Variants in DHRSX observed in about 807,000 individuals in gnomAD.
DHRSX encodes polyprenol dehydrogenase.
DHRSX carries 31 observed loss-of-function variants against 34.0 expected under a neutral mutation model. The ratio of observed to expected loss-of-function variants is 0.91; its 90% CI spans 0.69 to 1.23. DHRSX has a LOEUF of 1.23. DHRSX is among the 50% of genes most tolerant of loss of function. DHRSX has a pLI of 0.00. For synonymous variants in DHRSX, 201 were observed against 183.8 expected, an observed-to-expected ratio of 1.09 and a Z score of -0.76; for missense variants, 414 against 428.1, an observed-to-expected ratio of 0.97 and a Z score of 0.29.
intron 5 of DHRSX, among the ~76,000 whole-genome samples, chrX:2,259,896 TCTAA>T (rs2041340229): frequency 6.6e-6 from 1 of 151,948 alleles, no homozygotes; most frequent in South Asian, 2.1e-4. Context: ...TCTCTAGATC[TCTAA>T]CTAATTACAC....
At chrX:2,305,603 T>C (rs911555436) in intron 3 of DHRSX, among the ~76,000 whole-genome samples, 2 of 152,088 alleles carry the variant, frequency 1.3e-5, no homozygotes, top group Non-Finnish European at 2.9e-5. Context: ...ATGCCCGTCA[T>C]TGATAGACTG....
chrX:2,500,113 G>C (rs2045379110), intron 1 of DHRSX, among the ~76,000 whole-genome samples: 1 of 152,216 alleles, frequency 6.6e-6, no homozygotes, highest in Admixed American at 6.5e-5. Flanking sequence ...GGTCATCACT[G>C]ATGAGTTCAG....
chrX:2,375,540 T>A (rs996706920), intron 3 of DHRSX, among the ~76,000 whole-genome samples: 1 of 136,978 alleles, frequency 7.3e-6, no homozygotes, highest in African/African-American at 2.5e-5. Flanking sequence ...TTTGGTTTCC[T>A]TGTGTGTTTG....
chrX:2,488,647 G>C, intron 1 of DHRSX: 1 of 1,604,992 alleles, frequency 6.2e-7, no homozygotes, highest in Non-Finnish European at 8.5e-7. Flanking sequence ...ACAGGAAGCT[G>C]CTGTCCCTAA....
rs183925117 is a variant in DHRSX at position 2,445,830 on chromosome X, C to T, written c.110-20526G>A. Among the ~76,000 whole-genome samples, 729 of 151,960 alleles carry T rather than the reference C, an allele frequency of 4.8e-3. 17 individuals carry two copies. The highest frequency in any genetic ancestry group is 2.9e-3 in the Non-Finnish European group (200 of 67,986). Reference sequence around the variant, plus strand: ...AGGCATGTGGCCAAGGGACTGCCACCGTGTACACACTGAGGACGTTCCCTA... The same window carrying T: ...AGGCATGTGGCCAAGGGACTGCCACTGTGTACACACTGAGGACGTTCCCTA... On this transcript the variant is annotated intron_variant, in intron 1 of 6. Coordinates refer to ENST00000334651, the MANE Select transcript of DHRSX (RefSeq NM_145177.3).
chrX:2,427,653 T>C (rs1215493562), intron 1 of DHRSX, among the ~76,000 whole-genome samples: 1 of 152,098 alleles, frequency 6.6e-6, no homozygotes, highest in Non-Finnish European at 1.5e-5. Flanking sequence ...TGACTCCTTG[T>C]ACTGGGGGCT....
Position 2,263,575 on chromosome X carries a change from G to A in DHRSX, c.596+3165C>T, listed in dbSNP as rs765108931. On this transcript the variant is annotated intron_variant, in intron 5 of 6. Coordinates refer to ENST00000334651, the MANE Select transcript of DHRSX (RefSeq NM_145177.3). The stretch of plus-strand genomic sequence containing the variant: ...GTTACTCCGGCTGGAGTGCAGTGGC[G>A]TGATCTTGGCTCACCACAACCTCCG... Among the ~76,000 whole-genome samples the A allele has an allele frequency of 1.7e-3, 253 of 149,216 alleles. 1 individual carries two copies. Among genetic ancestry groups the A allele is most frequent in the Non-Finnish European group, 1.9e-3 (129 of 67,608 alleles).
intron 1 of DHRSX, among the ~76,000 whole-genome samples, chrX:2,496,611 C>T (rs2045291376): frequency 6.6e-6 from 1 of 152,094 alleles, no homozygotes; most frequent in Non-Finnish European, 1.5e-5. Context: ...CAAACACCAC[C>T]TGTTCCCCAA....
intron 3 of DHRSX, among the ~76,000 whole-genome samples, chrX:2,307,253 C>A (rs1441537084): frequency 1.3e-5 from 2 of 152,042 alleles, no homozygotes; most frequent in African/African-American, 4.8e-5. Flanking sequence ...TACATAGGAG[C>A]TAAACATTGA....
chrX:2,426,013 G>A (rs927932729), intron 1 of DHRSX, among the ~76,000 whole-genome samples: 10 of 152,096 alleles, frequency 6.6e-5, no homozygotes, highest in South Asian at 2.1e-4. Flanking sequence ...GGAGAGTGAC[G>A]TGGAATATGC....
chrX:2,270,735 G>A (rs184077813), intron 4 of DHRSX, among the ~76,000 whole-genome samples: 5 of 152,254 alleles, frequency 3.3e-5, no homozygotes, highest in African/African-American at 1.2e-4. Flanking sequence ...CTTTTGAGAC[G>A]TGAAGCCACC....
chrX:2,239,756 A>G (rs3936239), intron 6 of DHRSX, among the ~76,000 whole-genome samples: 28,919 of 151,674 alleles, frequency 0.19, 3,081 homozygotes, highest in Admixed American at 0.22. Flanking sequence ...GCAACAGAGC[A>G]AGACTCAGTC....
intron 3 of DHRSX, among the ~76,000 whole-genome samples, chrX:2,385,755 A>G (rs1416864430): frequency 2.6e-5 from 4 of 152,116 alleles, no homozygotes; most frequent in Non-Finnish European, 5.9e-5. Context: ...TATTCAGTGG[A>G]TAAGATTAAA....
At chrX:2,273,852 C>T (rs1170944711) in intron 4 of DHRSX, among the ~76,000 whole-genome samples, 1 of 152,206 alleles carries the variant, frequency 6.6e-6, no homozygotes, top group African/African-American at 2.4e-5. Flanking sequence ...GACAGTGCTT[C>T]TGTGCAGGCA....
chrX:2,497,708 T>C (rs1338129661), intron 1 of DHRSX, among the ~76,000 whole-genome samples: 1 of 152,244 alleles, frequency 6.6e-6, no homozygotes, highest in Non-Finnish European at 1.5e-5. Flanking sequence ...GGAACTGGAC[T>C]TGACTACAGG....
intron 1 of DHRSX, among the ~76,000 whole-genome samples, chrX:2,431,220 A>C (rs1197799562): frequency 6.7e-6 from 1 of 149,248 alleles, no homozygotes; most frequent in Non-Finnish European, 1.5e-5. Flanking sequence ...AGCTACTCGG[A>C]AGGCTGAGGC....
chrX:2,292,449 G>C lies in DHRSX; in HGVS notation c.287-846C>G, dbSNP rs185676553. ...CTGCCCAGATTCCTGACCCGCAGCA[G>C]CTGTGGGATAGTAAGTATGAGCCCT... On this transcript the variant is annotated intron_variant, in intron 3 of 6. Transcript: ENST00000334651. 5.9e-5 allele frequency among the ~76,000 whole-genome samples: 9 copies of C among 152,344 alleles called. No individual in the cohort carries two copies. In the East Asian group the frequency reaches 1.3e-3, roughly 23 times the overall value.
intron 6 of DHRSX, among the ~76,000 whole-genome samples, chrX:2,236,672 T>C (rs2016022857): frequency 6.6e-6 from 1 of 151,992 alleles, no homozygotes; most frequent in African/African-American, 2.4e-5. Context: ...CCTCATGTGA[T>C]CCACCCGCCT....
intron 1 of DHRSX, among the ~76,000 whole-genome samples, chrX:2,428,175 T>C (rs2042095890): frequency 6.6e-6 from 1 of 152,198 alleles, no homozygotes; most frequent in African/African-American, 2.4e-5. Context: ...ATTTGAGTGA[T>C]GGCCTCACTA....
Sources: gnomAD v4.1 joint callset for allele counts (sites outside exome capture counted in the v4.1 genomes callset) on GRCh38, gnomAD v4.1.1 for gene constraint, MANE v1.5 for transcripts, NCBI Gene and HGNC (gene_info 2026-07-23, HGNC 2026-07-21) for gene names.